Variants in AUTS2 observed in about 807,000 individuals in gnomAD.
The protein encoded by AUTS2 is autism susceptibility gene 2 protein.
Under a neutral mutation model 112.4 loss-of-function variants are expected in AUTS2, and 17 were observed. The ratio of observed to expected loss-of-function variants is 0.15; its 90% CI spans 0.10 to 0.23. AUTS2 has a LOEUF of 0.23. Among genes scored for constraint, AUTS2 ranks in the 10% least tolerant of loss-of-function variants. The probability of loss-of-function intolerance (pLI) is 1.00; values close to 1 mark genes in which losing one functional copy is unlikely to be tolerated. For synonymous variants in AUTS2, 751 were observed against 702.7 expected (o/e 1.07, Z -1.09); for missense variants, 1,510 against 1,701.6 (o/e 0.89, Z 1.98).
At chr7:70,167,616 T>C (rs1021848491) in intron 4 of AUTS2, among the ~76,000 whole-genome samples, 1 of 152,202 alleles carries the variant, frequency 6.6e-6, no homozygotes, top group East Asian at 1.9e-4. Flanking sequence ...ATACAGTTTT[T>C]TGTCCAAATG....
At chr7:70,367,667 A>G (rs1792646251) in intron 4 of AUTS2, among the ~76,000 whole-genome samples, 1 of 152,202 alleles carries the variant, frequency 6.6e-6, no homozygotes, top group South Asian at 2.1e-4. Context: ...GAAGAGGAAT[A>G]TTCATCAAAG....
chr7:70,480,398 C>T (rs551882977), intron 5 of AUTS2, among the ~76,000 whole-genome samples: 8 of 152,192 alleles, frequency 5.3e-5, no homozygotes, highest in Non-Finnish European at 1.2e-4. Flanking sequence ...GTGCTTTTGC[C>T]AATCTACATG....
At chr7:70,085,240 AG>A (rs1342208866) in intron 2 of AUTS2, among the ~76,000 whole-genome samples, 5 of 152,192 alleles carry the variant, frequency 3.3e-5, no homozygotes, top group African/African-American at 1.2e-4. Context: ...CCAAGGATAC[AG>A]GGTTTTCCCT....
intron 5 of AUTS2, among the ~76,000 whole-genome samples, chr7:70,500,634 C>A (rs1053402904): frequency 6.6e-6 from 1 of 152,174 alleles, no homozygotes; most frequent in African/African-American, 2.4e-5. Flanking sequence ...TTCATTTCTC[C>A]CGCTTCAGCC....
chr7:69,886,409 T>G (rs1483803065), intron 1 of AUTS2, among the ~76,000 whole-genome samples: 1 of 152,196 alleles, frequency 6.6e-6, no homozygotes, highest in Non-Finnish European at 1.5e-5. Context: ...TTGAAAAACT[T>G]GAGTCATAAA....
Position 69,614,338 on chromosome 7 carries a change from T to TTC in AUTS2, c.309+14378_309+14379dup, listed in dbSNP as rs1461817439. Among the ~76,000 whole-genome samples, 10 of 73,348 alleles carry TTC rather than the reference T, an allele frequency of 1.4e-4. No homozygotes were observed. In the East Asian group the frequency reaches 5.1e-3, roughly 37 times the overall value. 48.1% of individuals were successfully genotyped at this position (73,348 alleles called of 152,430 possible). A position where few individuals can be genotyped will look rare whatever the true frequency, so the allele number is the denominator to read the frequency against. ...TCTCTTTCTTTCTTTCTTTCTTTCT[T>TTC]TCTTTCTTTCTTTCTTTCTTTCTTT... On this transcript the variant is annotated intron_variant, in intron 1 of 18. Coordinates refer to ENST00000342771, the MANE Select transcript of AUTS2 (RefSeq NM_015570.4).
chr7:70,508,938 G>A (rs1799077881), intron 5 of AUTS2, among the ~76,000 whole-genome samples: 1 of 152,124 alleles, frequency 6.6e-6, no homozygotes, highest in African/African-American at 2.4e-5. Flanking sequence ...TAGAATTTTT[G>A]TTCTCTCCAA....
chr7:70,093,881 A>G (rs1212433691), intron 2 of AUTS2, among the ~76,000 whole-genome samples: 1 of 152,026 alleles, frequency 6.6e-6, no homozygotes, highest in African/African-American at 2.4e-5. Flanking sequence ...AGTTATAACT[A>G]CTCCTTGTGT....
chr7:70,515,801 A>G (rs1291452955), intron 5 of AUTS2, among the ~76,000 whole-genome samples: 1 of 152,120 alleles, frequency 6.6e-6, no homozygotes, highest in Non-Finnish European at 1.5e-5. Context: ...TCTAGGTTAC[A>G]TTTTGAAAAA....
At chr7:70,561,845 A>G (rs554928662) in intron 5 of AUTS2, among the ~76,000 whole-genome samples, 87 of 152,176 alleles carry the variant, frequency 5.7e-4, no homozygotes, top group African/African-American at 2.0e-3. Flanking sequence ...TCACGTGTTG[A>G]TAAGGTTTAG....
intron 2 of AUTS2, among the ~76,000 whole-genome samples, chr7:69,933,999 T>A (rs1356937016): frequency 6.6e-6 from 1 of 152,240 alleles, no homozygotes; most frequent in Non-Finnish European, 1.5e-5. Flanking sequence ...TGTACTGTTC[T>A]CGAATTTTTA....
chr7:69,694,648 CTG>C (rs1797479223), intron 1 of AUTS2, among the ~76,000 whole-genome samples: 1 of 152,166 alleles, frequency 6.6e-6, no homozygotes, highest in Admixed American at 6.5e-5. Flanking sequence ...AAATTAAACT[CTG>C]TGGGTTTTCA....
chr7:69,606,164 T>C (rs1285427134), intron 1 of AUTS2, among the ~76,000 whole-genome samples: 2 of 152,174 alleles, frequency 1.3e-5, no homozygotes, highest in African/African-American at 4.8e-5. Context: ...TGAAAAAGGG[T>C]TAAGAAAACA....
At chr7:70,697,020 A>G (rs1244739986) in intron 5 of AUTS2, among the ~76,000 whole-genome samples, 1 of 152,060 alleles carries the variant, frequency 6.6e-6, no homozygotes, top group Admixed American at 6.6e-5. Context: ...TAGCTGGGAA[A>G]CTCACAGTCC....
chr7:70,074,559 T>G (rs185691190), intron 2 of AUTS2, among the ~76,000 whole-genome samples: 29 of 152,300 alleles, frequency 1.9e-4, no homozygotes, highest in African/African-American at 6.3e-4. Context: ...TTAGTGTCCT[T>G]GCAGTTTAGT....
chr7:69,756,885 A>G (rs933987809), intron 1 of AUTS2, among the ~76,000 whole-genome samples: 1 of 152,156 alleles, frequency 6.6e-6, no homozygotes, highest in Non-Finnish European at 1.5e-5. Context: ...AGATATACTG[A>G]ATTTTTTCCT....
At chr7:70,664,022 T>C (rs189000271) in intron 5 of AUTS2, among the ~76,000 whole-genome samples, 62 of 152,200 alleles carry the variant, frequency 4.1e-4, no homozygotes, top group African/African-American at 1.4e-3. Flanking sequence ...AGAAATGAAA[T>C]TGTTGAGTTT....
At chr7:70,484,256 A>G (rs560890436) in intron 5 of AUTS2, among the ~76,000 whole-genome samples, 49 of 152,290 alleles carry the variant, frequency 3.2e-4, no homozygotes, top group Non-Finnish European at 6.2e-4. Flanking sequence ...CAGCTCATAA[A>G]TTTGTATTTT....
At chr7:70,172,654 C>G (rs1808766361) in intron 4 of AUTS2, among the ~76,000 whole-genome samples, 2 of 152,088 alleles carry the variant, frequency 1.3e-5, no homozygotes, top group African/African-American at 4.8e-5. Context: ...TCCCTATGCA[C>G]TTTTGCTTAT....
Sources: allele counts gnomAD v4.1 joint callset (sites outside exome capture counted in the v4.1 genomes callset), GRCh38; gene constraint gnomAD v4.1.1; transcripts MANE v1.5; gene names NCBI Gene and HGNC (gene_info 2026-07-23, HGNC 2026-07-21).